The following CSMD1 variants were observed in gnomAD, a reference collection of about 807,000 sequenced individuals.
CSMD1 encodes the protein CUB and sushi domain-containing protein 1.
A neutral mutation model predicts 417.5 loss-of-function variants in CSMD1; 213 were observed. The observed-to-expected ratio is 0.51, with a 90% confidence interval of 0.46 to 0.57. The LOEUF is 0.57. CSMD1 is among the 20% of genes least tolerant of loss of function. CSMD1 has a pLI of 0.00. For synonymous variants in CSMD1, 2,862 were observed against 1,736.8 expected (o/e 1.65, Z -16.11); for missense variants, 6,923 against 4,529.7 (o/e 1.53, Z -15.17).
chr8:4,671,965 G>C (rs1359794536), intron 1 of CSMD1, among the ~76,000 whole-genome samples: 1 of 152,202 alleles, frequency 6.6e-6, no homozygotes, highest in Non-Finnish European at 1.5e-5. Flanking sequence ...CGCCGAGGTA[G>C]GCAGTGTTTT....
intron 2 of CSMD1, among the ~76,000 whole-genome samples, chr8:4,608,275 C>A (rs908860450): frequency 6.6e-6 from 1 of 152,152 alleles, no homozygotes; most frequent in Admixed American, 6.5e-5. Context: ...AAAGTCTGCA[C>A]CGTGGGCTAA....
Position 3,118,588 on chromosome 8 carries a change from C to T in CSMD1, c.6242-1G>A. On this transcript the variant is annotated splice_acceptor_variant, in intron 41 of 69. Transcript: ENST00000635120. LOFTEE classifies it high-confidence loss of function. ...TCTGGACAGTTCTGTAATTCATAGG[C>T]TGAAAGAAACAAACAGACAAAATAA... is the stretch of plus-strand genomic sequence containing the variant. 6.2e-7 allele frequency: 1 copy of T among 1,608,440 alleles called. No homozygotes were observed. Among genetic ancestry groups the T allele is most frequent in the Non-Finnish European group, 8.5e-7 (1 of 1,178,134 alleles).
At chr8:4,913,941 G>A (rs1185950550) in intron 1 of CSMD1, among the ~76,000 whole-genome samples, 1 of 152,146 alleles carries the variant, frequency 6.6e-6, no homozygotes, top group Non-Finnish European at 1.5e-5. Flanking sequence ...ATACAAAATA[G>A]GGCTCTAATT....
In CSMD1 at chr8:3,553,937, G is replaced by T. The variant is rs79314144; in HGVS notation, c.1344+21008C>A. 7.5e-3 allele frequency among the ~76,000 whole-genome samples: 1,136 copies of T among 152,252 alleles called. 8 individuals are homozygous for T. Among genetic ancestry groups the T allele is most frequent in the Non-Finnish European group, 8.6e-3 (583 of 68,020 alleles). On this transcript the variant is annotated intron_variant, in intron 10 of 69. Coordinates refer to ENST00000635120, the MANE Select transcript of CSMD1 (RefSeq NM_033225.6). ...TAAAGGCAGACTTCTACGTAATGGG[G>T]CAAAACAGAATGTAATTTGTACATT... is the stretch of plus-strand genomic sequence containing the variant.
chr8:4,243,410 T>G (rs916130363), intron 3 of CSMD1, among the ~76,000 whole-genome samples: 7 of 152,226 alleles, frequency 4.6e-5, no homozygotes, highest in African/African-American at 1.4e-4. Context: ...CATCCTCTAC[T>G]GACCACTTTG....
intron 3 of CSMD1, among the ~76,000 whole-genome samples, chr8:4,078,704 T>G (rs1439531200): frequency 6.6e-6 from 1 of 151,180 alleles, no homozygotes; most frequent in Non-Finnish European, 1.5e-5. Context: ...TGTTTAAAAT[T>G]ATTTGTTCTC....
intron 3 of CSMD1, among the ~76,000 whole-genome samples, chr8:4,227,557 C>T (rs1324245799): frequency 6.6e-6 from 1 of 152,056 alleles, no homozygotes; most frequent in Non-Finnish European, 1.5e-5. Flanking sequence ...TGCCAGGAAG[C>T]ATAATTATTC....
chr8:4,670,138 T>A (rs930594256), intron 1 of CSMD1, among the ~76,000 whole-genome samples: 1 of 152,124 alleles, frequency 6.6e-6, no homozygotes, highest in Non-Finnish European at 1.5e-5. Context: ...GGGTTAGAAA[T>A]ATAGTTTTTC....
chr8:4,323,720 G>A (rs1475802387), intron 3 of CSMD1, among the ~76,000 whole-genome samples: 3 of 151,104 alleles, frequency 2.0e-5, no homozygotes, highest in Non-Finnish European at 4.4e-5. Flanking sequence ...GAGAGGGTAT[G>A]ATTTGGGTAT....
rs182782503 is a variant in CSMD1 at position 4,732,177 on chromosome 8, G to T, written c.86-94619C>A. Among the ~76,000 whole-genome samples, 3 of 152,174 alleles carry T rather than the reference G, an allele frequency of 2.0e-5. No homozygotes were observed. In the East Asian group the frequency reaches 5.8e-4, roughly 29 times the overall value. ...CAGGACCCAGTGTGCAAAAGCGTTC[G>T]GTAGCAGACCGCAGACAAGAACTCA... On this transcript the variant is annotated intron_variant, in intron 1 of 69. Transcript: ENST00000635120.
rs781466581 is a variant in CSMD1, at chr8:2,966,757, A to G, written c.8924-11T>C. ...TGCCACAGGACACGGCTGTTAGGCA[A>G]ACAAGAACACCACCACACACAGTGA... is the stretch of plus-strand genomic sequence containing the variant. On this transcript the variant is annotated splice_polypyrimidine_tract_variant and intron_variant, in intron 57 of 69. Transcript: ENST00000635120. The G allele has an allele frequency of 6.2e-7, 1 of 1,611,760 alleles. No individual in the cohort carries two copies. Among genetic ancestry groups the G allele is most frequent in the Admixed American group, 1.7e-5 (1 of 59,790 alleles).
At chr8:3,502,670 G>C (rs1256313890) in intron 10 of CSMD1, among the ~76,000 whole-genome samples, 2 of 152,170 alleles carry the variant, frequency 1.3e-5, no homozygotes, top group African/African-American at 2.4e-5. Context: ...CAGAACTATG[G>C]AGACAGTAAA....
chr8:4,797,065 G>T (rs1473348671), intron 1 of CSMD1, among the ~76,000 whole-genome samples: 1 of 152,166 alleles, frequency 6.6e-6, no homozygotes, highest in Non-Finnish European at 1.5e-5. Flanking sequence ...AACAGATTCT[G>T]TCCATGTGTT....
chr8:4,793,265 G>A (rs1278051127), intron 1 of CSMD1, among the ~76,000 whole-genome samples: 2 of 152,054 alleles, frequency 1.3e-5, no homozygotes, highest in African/African-American at 4.8e-5. Context: ...CCTAATCTAT[G>A]TATTTGTTTT....
At chr8:4,290,146 G>T (rs973888915) in intron 3 of CSMD1, among the ~76,000 whole-genome samples, 6 of 152,152 alleles carry the variant, frequency 3.9e-5, no homozygotes, top group African/African-American at 1.4e-4. Flanking sequence ...GAGTGGTGAG[G>T]AAATGCTTCC....
intron 3 of CSMD1, among the ~76,000 whole-genome samples, chr8:4,290,342 T>C (rs753628695): frequency 1.5e-4 from 23 of 152,300 alleles, no homozygotes; most frequent in Non-Finnish European, 2.6e-4. Flanking sequence ...TACACAGTAA[T>C]GCTCTATGAC....
At chr8:4,078,209 T>C (rs549184716) in intron 3 of CSMD1, among the ~76,000 whole-genome samples, 3 of 152,262 alleles carry the variant, frequency 2.0e-5, no homozygotes, top group Non-Finnish European at 4.4e-5. Context: ...TTCTACATCA[T>C]TTTTTTCTTT....
At chr8:4,230,529 T>C (rs1366925972) in intron 3 of CSMD1, among the ~76,000 whole-genome samples, 1 of 152,192 alleles carries the variant, frequency 6.6e-6, no homozygotes, top group African/African-American at 2.4e-5. Context: ...ACAGAGTTTT[T>C]AGGCCAGTTG....
rs202005711 is a variant in CSMD1 at position 3,523,915 on chromosome 8, A to G, written c.1345-30189T>C. On this transcript the variant is annotated intron_variant, in intron 10 of 69. Coordinates refer to ENST00000635120, the MANE Select transcript of CSMD1 (RefSeq NM_033225.6). ...GAGACATATGCACACATGTACACGCACACACACATATGCATGCACACTCAG... is the reference window on the plus strand; with the variant it reads ...GAGACATATGCACACATGTACACGCGCACACACATATGCATGCACACTCAG... Among the ~76,000 whole-genome samples, 8 of 149,044 alleles carry G rather than the reference A, an allele frequency of 5.4e-5. No individual in the cohort carries two copies. In the East Asian group the frequency reaches 1.4e-3, roughly 26 times the overall value.
Sources: gnomAD v4.1 joint callset for allele counts (sites outside exome capture counted in the v4.1 genomes callset) on GRCh38, gnomAD v4.1.1 for gene constraint, MANE v1.5 for transcripts, NCBI Gene and HGNC (gene_info 2026-07-23, HGNC 2026-07-21) for gene names.